PKNOX2: variants seen among roughly 807,000 people sequenced by gnomAD.
The protein encoded by PKNOX2 is PBX/knotted 1 homeobox 2.
In PKNOX2, 14 loss-of-function variants were observed where a neutral mutation model predicts 53.1. The ratio of observed to expected loss-of-function variants is 0.26; its 90% CI spans 0.17 to 0.41. The LOEUF (loss-of-function observed/expected upper bound fraction) is 0.41. PKNOX2 is among the 10% of genes least tolerant of loss of function. The pLI is 1.00. For missense variants in PKNOX2, 496 were observed against 602.8 expected (o/e 0.82, Z 1.85); for synonymous variants, 257 against 242.8 (o/e 1.06, Z -0.54).
intron 6 of PKNOX2, among the ~76,000 whole-genome samples, chr11:125,397,618 C>T (rs1274683487): frequency 6.6e-6 from 1 of 152,174 alleles, no homozygotes; most frequent in Non-Finnish European, 1.5e-5. Flanking sequence ...ACCACAACTG[C>T]CTCAAGAACA....
chr11:125,303,625 C>T (rs1425968010), intron 2 of PKNOX2, among the ~76,000 whole-genome samples: 1 of 152,206 alleles, frequency 6.6e-6, no homozygotes, highest in Non-Finnish European at 1.5e-5. Context: ...TGCCCTCCTC[C>T]TTATCAGGAA....
chr11:125,354,042 C>CTA (rs1331494072), intron 4 of PKNOX2, among the ~76,000 whole-genome samples: 1 of 152,168 alleles, frequency 6.6e-6, no homozygotes, highest in Non-Finnish European at 1.5e-5. Flanking sequence ...CCCACTCTTT[C>CTA]GGGCTTCTAG....
chr11:125,170,572 C>T (rs1446308215), intron 1 of PKNOX2, among the ~76,000 whole-genome samples: 1 of 152,224 alleles, frequency 6.6e-6, no homozygotes, highest in Admixed American at 6.5e-5. Context: ...GAAGAGCTTG[C>T]TGCAAATGCG....
intron 2 of PKNOX2, among the ~76,000 whole-genome samples, chr11:125,300,113 A>G (rs1424832774): frequency 1.3e-5 from 2 of 152,208 alleles, no homozygotes; most frequent in East Asian, 3.9e-4. Context: ...GAGCGGTTGG[A>G]GAGGGGACCA....
At chr11:125,244,362 AG>A (rs1357686448) in intron 2 of PKNOX2, among the ~76,000 whole-genome samples, 1 of 152,110 alleles carries the variant, frequency 6.6e-6, no homozygotes, top group Non-Finnish European at 1.5e-5. Flanking sequence ...CGACCTCTAG[AG>A]GTGAGCAGTT....
chr11:125,415,261 G>C (rs1955811917), intron 10 of PKNOX2, among the ~76,000 whole-genome samples: 1 of 139,038 alleles, frequency 7.2e-6, no homozygotes, highest in Non-Finnish European at 1.5e-5. Context: ...TTTTTTGGTG[G>C]CGGGGTACAG....
chr11:125,365,421 C>T (rs1029385513), intron 4 of PKNOX2, among the ~76,000 whole-genome samples: 1 of 152,068 alleles, frequency 6.6e-6, no homozygotes, highest in Non-Finnish European at 1.5e-5. Context: ...TAAAACACGG[C>T]TACTAAGCCA....
At chr11:125,216,610 G>A (rs918610307) in intron 1 of PKNOX2, among the ~76,000 whole-genome samples, 4 of 152,156 alleles carry the variant, frequency 2.6e-5, no homozygotes, top group African/African-American at 4.8e-5. Flanking sequence ...TGCTCTGGTC[G>A]TCTGTGAAAA....
intron 11 of PKNOX2, 63 bp from the exon 12 acceptor site, chr11:125,429,900 C>T: frequency 6.6e-7 from 1 of 1,520,998 alleles, no homozygotes; most frequent in South Asian, 1.3e-5. Flanking sequence ...TTCACCCTCC[C>T]TGCCCCCACC....
chr11:125,257,404 C>T (rs1424569712), intron 2 of PKNOX2, among the ~76,000 whole-genome samples: 1 of 152,186 alleles, frequency 6.6e-6, no homozygotes, highest in East Asian at 1.9e-4. Flanking sequence ...CCAAAGAAGC[C>T]AAGTGCAGGG....
intron 10 of PKNOX2, among the ~76,000 whole-genome samples, chr11:125,420,687 G>A (rs1338269902): frequency 6.6e-6 from 1 of 152,156 alleles, no homozygotes; most frequent in Non-Finnish European, 1.5e-5. Flanking sequence ...AGAATCTGAT[G>A]AAAGCTTATT....
At chr11:125,390,196 A>G (rs955146436) in intron 6 of PKNOX2, among the ~76,000 whole-genome samples, 4 of 152,214 alleles carry the variant, frequency 2.6e-5, no homozygotes, top group African/African-American at 9.7e-5. Flanking sequence ...ACTGTTTTAC[A>G]TATATTATCT....
At chr11:125,419,768 C>T (rs756384969) in intron 10 of PKNOX2, among the ~76,000 whole-genome samples, 14 of 151,186 alleles carry the variant, frequency 9.3e-5, no homozygotes, top group Non-Finnish European at 1.9e-4. Flanking sequence ...GGGCCAGGCA[C>T]AGTGATAATC....
At chr11:125,306,001 C>A (rs75929944) in intron 2 of PKNOX2, among the ~76,000 whole-genome samples, 5,764 of 151,518 alleles carry the variant, frequency 0.038, 357 homozygotes, top group African/African-American at 0.13. Flanking sequence ...TGTGTTTTTC[C>A]TTTTTTTTTC....
At chr11:125,400,846 T>G (rs892142876) in intron 7 of PKNOX2, among the ~76,000 whole-genome samples, 32 of 152,216 alleles carry the variant, frequency 2.1e-4, no homozygotes, top group African/African-American at 7.2e-4. Flanking sequence ...TAACACTTTT[T>G]GAGCAGAGAC....
chr11:125,427,647 G>T (rs900774741), intron 10 of PKNOX2, among the ~76,000 whole-genome samples: 1 of 152,098 alleles, frequency 6.6e-6, no homozygotes, highest in Non-Finnish European at 1.5e-5. Flanking sequence ...TCATAATAGA[G>T]CCAGATTTTG....
chr11:125,170,890 CTG>C (rs1412085993), intron 1 of PKNOX2, among the ~76,000 whole-genome samples: 2 of 150,680 alleles, frequency 1.3e-5, no homozygotes, highest in East Asian at 2.0e-4. Flanking sequence ...GGTGGGGTAA[CTG>C]TTAGTTTTCT....
At chr11:125,366,314 C>G (rs1241028539) in intron 4 of PKNOX2, among the ~76,000 whole-genome samples, 1 of 152,240 alleles carries the variant, frequency 6.6e-6, no homozygotes, top group Non-Finnish European at 1.5e-5. Flanking sequence ...TCCCCCAGAT[C>G]AGCCAACAGT....
intron 2 of PKNOX2, among the ~76,000 whole-genome samples, chr11:125,322,627 C>T (rs1949589790): frequency 6.6e-6 from 1 of 152,198 alleles, no homozygotes; most frequent in South Asian, 2.1e-4. Flanking sequence ...TGGATGATGA[C>T]ACCCTCACTG....
Sources: gnomAD v4.1 joint callset for allele counts (sites outside exome capture counted in the v4.1 genomes callset) on GRCh38, gnomAD v4.1.1 for gene constraint, MANE v1.5 for transcripts, NCBI Gene and HGNC (gene_info 2026-07-23, HGNC 2026-07-21) for gene names.